FAAP20: variants seen among roughly 807,000 people sequenced by gnomAD.
FAAP20 encodes the protein Fanconi anemia core complex-associated protein 20.
A neutral mutation model predicts 16.2 loss-of-function variants in FAAP20; 12 were observed. That is an observed-to-expected ratio of 0.74 (90% CI 0.48 to 1.20). The LOEUF (loss-of-function observed/expected upper bound fraction) is 1.20. Ranked by LOEUF, FAAP20 falls within the 50% of genes most tolerant of loss-of-function variation. The pLI is 0.00. For synonymous variants in FAAP20, 141 were observed against 110.7 expected, an observed-to-expected ratio of 1.27 and a Z score of -1.72; for missense variants, 288 against 245.8, an observed-to-expected ratio of 1.17 and a Z score of -1.15.
upstream of FAAP20, among the ~76,000 whole-genome samples, chr1:2,197,766 GA>G (rs1411418850): frequency 6.6e-6 from 1 of 152,228 alleles, no homozygotes; most frequent in East Asian, 1.9e-4. Context: ...CACCACTGGG[GA>G]GGGGGCAGTG....
chr1:2,184,725 G>A (rs1410587752), downstream of FAAP20: 1 of 1,596,102 alleles, frequency 6.3e-7, no homozygotes, highest in Non-Finnish European at 8.6e-7. Flanking sequence ...GCGGGTCCCT[G>A]GAGCACCCCT....
downstream of FAAP20, among the ~76,000 whole-genome samples, chr1:2,189,363 TG>T (rs1458148938): frequency 1.3e-5 from 2 of 149,048 alleles, no homozygotes; most frequent in African/African-American, 4.9e-5. Context: ...AAACCGTGAC[TG>T]CACATGAGCT....
At chr1:2,189,806 T>TCGGC in intron 3 of FAAP20, 25 bp from the exon 4 acceptor site, 3 of 1,575,136 alleles carry the variant, frequency 1.9e-6, no homozygotes, top group Non-Finnish European at 2.6e-6. Context: ...CCACACTCAC[T>TCGGC]CGGCCACCTC....
downstream of FAAP20, chr1:2,186,050 C>T (rs761645221): frequency 4.4e-6 from 2 of 452,982 alleles, no homozygotes; most frequent in South Asian, 3.1e-5. Context: ...TTCCTAGAGG[C>T]AGGGCTGCCA....
At chr1:2,211,428 TA>T (rs1557797926), downstream of FAAP20, among the ~76,000 whole-genome samples, 8 of 30,758 alleles carry the variant, frequency 2.6e-4, no homozygotes, top group Admixed American at 3.7e-4. Context: ...TATATATATA[TA>T]TATATATTTT....
upstream of FAAP20, among the ~76,000 whole-genome samples, chr1:2,195,791 A>C (rs1165904220): frequency 6.6e-6 from 1 of 152,250 alleles, no homozygotes; most frequent in African/African-American, 2.4e-5. Flanking sequence ...AAGGGTCAGC[A>C]GCAGGGCCTG....
At chr1:2,211,452 T>A (rs1689445233), downstream of FAAP20, among the ~76,000 whole-genome samples, 1 of 79,246 alleles carries the variant, frequency 1.3e-5, no homozygotes, top group Non-Finnish European at 2.4e-5. Context: ...TTTTTTTTTT[T>A]TTTTTTTTTT....
At chr1:2,211,435 ATTTTTTTTTTT>A (rs1164460550), downstream of FAAP20, among the ~76,000 whole-genome samples, 4 of 8,562 alleles carry the variant, frequency 4.7e-4, no homozygotes, top group Non-Finnish European at 4.8e-4. Context: ...ATATATATAT[ATTTTTTTTTTT>A]TTTTTTTTTT....
chr1:2,210,296 TC>T (rs1178660757), downstream of FAAP20, among the ~76,000 whole-genome samples: 4 of 152,210 alleles, frequency 2.6e-5, no homozygotes, highest in African/African-American at 9.6e-5. Flanking sequence ...AGTGGCGATG[TC>T]GGCCAGTGGG....
intron 3 of FAAP20, chr1:2,191,488 C>G (rs1018412789): frequency 3.9e-5 from 6 of 152,618 alleles, no homozygotes; most frequent in African/African-American, 1.4e-4. Flanking sequence ...TGGCTCACGC[C>G]TGTAATCCCA....
chr1:2,202,971 G>A (rs1197540013), upstream of FAAP20, among the ~76,000 whole-genome samples: 1 of 152,158 alleles, frequency 6.6e-6, no homozygotes, highest in Non-Finnish European at 1.5e-5. Context: ...CCTCCCTGGG[G>A]TCCATCCTGC....
upstream of FAAP20, chr1:2,203,662 G>A (rs549658254): frequency 3.3e-5 from 33 of 985,164 alleles, no homozygotes; most frequent in African/African-American, 7.0e-5. Flanking sequence ...GGCTGGGGCC[G>A]GCTGCTGGGC....
chr1:2,187,757 G>A (rs1418313851), downstream of FAAP20, among the ~76,000 whole-genome samples: 1 of 152,132 alleles, frequency 6.6e-6, no homozygotes, highest in African/African-American at 2.4e-5. Flanking sequence ...CAGCTGCTGG[G>A]CCTGCCCTTG....
At chr1:2,185,458 G>GT, downstream of FAAP20, 1 of 718,624 alleles carries the variant, frequency 1.4e-6, no homozygotes, top group East Asian at 2.7e-5. Flanking sequence ...CAACCCACAC[G>GT]TAGGGGGGCA....
chr1:2,193,029 T>A, intron 3 of FAAP20: 1 of 1,298,886 alleles, frequency 7.7e-7, no homozygotes. Context: ...CCATAAGCTC[T>A]GAAACCTGCC....
At position 2,194,713 on chromosome 1, in the gene FAAP20, G is replaced by T. The variant is rs1330041877; in HGVS notation, c.37C>A (p.Arg13Ser). 5.9e-6 allele frequency: 7 copies of T among 1,179,272 alleles called. No individual in the cohort carries two copies. In the African/African-American group the frequency reaches 9.9e-5, roughly 17 times the overall value. The allele number at this position is 1,179,272 out of a possible 1,614,324, so 73.1% of individuals were successfully genotyped here. A position where few individuals can be genotyped will look rare whatever the true frequency, so the allele number is the denominator to read the frequency against. ...AARRPRLGLS[R>S]RRPRPAGGPS... ...CCGCCCGCCGGGCGCGGCCTCCGGC[G>T]GCTCAACCCCAGCCGCGGCCTCCGC... Residue 13 changes from arginine to serine, a missense_variant, in exon 1 of 4, where the codon CGC becomes AGC. Arg to Ser is a moderately radical substitution (Grantham distance 110). Transcript: ENST00000378546.
chr1:2,189,827 T>C (rs781141712), intron 3 of FAAP20, 46 bp from the exon 4 acceptor site: 5 of 1,449,588 alleles, frequency 3.4e-6, no homozygotes, highest in Non-Finnish European at 1.9e-6. Flanking sequence ...CGCGGCATGC[T>C]GGCCGCAGAG....
intron 3 of FAAP20, chr1:2,193,302 C>T (rs955675077): frequency 8.1e-6 from 4 of 494,310 alleles, no homozygotes; most frequent in African/African-American, 3.9e-5. Flanking sequence ...GACGCACTCT[C>T]GGGAAGGTGT....
At chr1:2,188,057 CCTAT>C (rs138877992), downstream of FAAP20, among the ~76,000 whole-genome samples, 684 of 152,290 alleles carry the variant, frequency 4.5e-3, 3 homozygotes, top group South Asian at 0.022. Context: ...TTTTTTGCGG[CCTAT>C]CTGAGGCCAT....
Sources: allele counts gnomAD v4.1 joint callset (sites outside exome capture counted in the v4.1 genomes callset), GRCh38; gene constraint gnomAD v4.1.1; transcripts MANE v1.5; gene names NCBI Gene and HGNC (gene_info 2026-07-23, HGNC 2026-07-21).